Variants in OSBPL6 observed in about 807,000 individuals in gnomAD.
OSBPL6 encodes oxysterol-binding protein-related protein 6.
OSBPL6 carries 49 observed loss-of-function variants against 125.8 expected under a neutral mutation model. That is an observed-to-expected ratio of 0.39 (90% CI 0.31 to 0.49). The LOEUF (loss-of-function observed/expected upper bound fraction) is 0.49, where lower values mean the gene tolerates loss of function less well. Among genes scored for constraint, OSBPL6 ranks in the 20% least tolerant of loss-of-function variants. The probability of loss-of-function intolerance (pLI) is 0.88; values close to 1 mark genes in which losing one functional copy is unlikely to be tolerated. For synonymous variants in OSBPL6, 394 were observed against 391.8 expected, an observed-to-expected ratio of 1.01 and a Z score of -0.07; for missense variants, 986 against 1,135.4, an observed-to-expected ratio of 0.87 and a Z score of 1.89.
In OSBPL6 at chr2:178,298,284, T is replaced by C. The variant is rs74697518; in HGVS notation, c.-155-7746T>C. 6.4e-3 allele frequency among the ~76,000 whole-genome samples: 972 copies of C among 152,332 alleles called. 6 individuals are homozygous for C. The highest frequency in any genetic ancestry group is 0.02 in the African/African-American group (843 of 41,576). On this transcript the variant is annotated intron_variant, in intron 2 of 24. Transcript: ENST00000190611. ...TTTTTAAATATATTCATTCATTCAT[T>C]GATGGACACTTGGGTTGCTTCCGCA...
intron 1 of OSBPL6, among the ~76,000 whole-genome samples, chr2:178,228,266 T>C (rs899187370): frequency 6.6e-6 from 1 of 152,344 alleles, no homozygotes; most frequent in African/African-American, 2.4e-5. Context: ...CCGGGCGCGG[T>C]GGCTCATGCC....
chr2:178,364,409 T>C (rs1420519125), intron 13 of OSBPL6, among the ~76,000 whole-genome samples: 1 of 152,196 alleles, frequency 6.6e-6, no homozygotes, highest in Admixed American at 6.5e-5. Flanking sequence ...CAGATTCTTA[T>C]GGTATTTGAG....
intron 1 of OSBPL6, among the ~76,000 whole-genome samples, chr2:178,222,020 G>A (rs1436713227): frequency 1.3e-5 from 2 of 152,102 alleles, no homozygotes; most frequent in African/African-American, 2.4e-5. Flanking sequence ...TCTATGTTAT[G>A]CATTGGGAAT....
In OSBPL6 at chr2:178,336,324, G is replaced by T; in HGVS notation, c.681G>T (p.Trp227Cys). 6.2e-7 allele frequency: 1 copy of T among 1,613,904 alleles called. No individual in the cohort carries two copies. The highest frequency in any genetic ancestry group is 8.5e-7 in the Non-Finnish European group (1 of 1,179,932). Reference protein sequence around the residue: ...DGKMQPNSFPWQSPLPCSNSL... With the variant: ...DGKMQPNSFPCQSPLPCSNSL... ...AGATGCAACCAAACAGCTTTCCGTG[G>T]CAGTCCCCTTTACCATGCAGCAATA... The change falls in exon 9 of 25, where the codon TGG becomes TGT. Residue 227 changes from tryptophan (W) to cysteine (C), a missense_variant. Trp to Cys is a radical substitution (Grantham distance 215). This residue lies in a region of OSBPL6 where 843 missense variants were observed against 997.3 expected (regional missense o/e 0.85). Coordinates refer to ENST00000190611, the MANE Select transcript of OSBPL6 (RefSeq NM_032523.4).
chr2:178,389,377 A>G (rs1057135880), intron 21 of OSBPL6, among the ~76,000 whole-genome samples: 4 of 151,804 alleles, frequency 2.6e-5, no homozygotes, highest in East Asian at 2.0e-4. Context: ...CAGAAAAAAA[A>G]CACATGTCTT....
chr2:178,223,193 C>A (rs1042639922), intron 1 of OSBPL6, among the ~76,000 whole-genome samples: 1 of 152,210 alleles, frequency 6.6e-6, no homozygotes, highest in African/African-American at 2.4e-5. Flanking sequence ...CTCTGATTCT[C>A]TATCAACCTG....
Position 178,332,945 on chromosome 2 carries a change from T to A in OSBPL6, c.561T>A (p.Ile187=). 1 of 1,614,220 alleles carries A rather than the reference T, an allele frequency of 6.2e-7. No homozygotes were observed. The highest frequency in any genetic ancestry group is 8.5e-7 in the Non-Finnish European group (1 of 1,180,012). The change falls in exon 8 of 25, where the codon ATT becomes ATA. Residue 187 remains isoleucine (I), a synonymous_variant. Transcript: ENST00000190611. ...RHHRLYRQNE[I]VRSPRDASFH... is the part of the protein sequence containing the mutation. ...ATCGGTTGTATCGTCAGAATGAAAT[T>A]GTGAGATCACCAAGAGATGCTAGTT...
intron 22 of OSBPL6, 26 bp from the exon 23 acceptor site, chr2:178,392,386 A>C (rs757996752): frequency 5.0e-6 from 8 of 1,612,692 alleles, no homozygotes; most frequent in Non-Finnish European, 6.8e-6. Flanking sequence ...TCTGCCTCTC[A>C]CAGTGGTTCA....
At chr2:178,218,788 C>T (rs2090206630) in intron 1 of OSBPL6, among the ~76,000 whole-genome samples, 1 of 151,910 alleles carries the variant, frequency 6.6e-6, no homozygotes, top group African/African-American at 2.4e-5. Flanking sequence ...CGTCACCATG[C>T]CCAGCTGATT....
At chr2:178,213,731 C>G (rs1466127491) in intron 1 of OSBPL6, among the ~76,000 whole-genome samples, 1 of 152,214 alleles carries the variant, frequency 6.6e-6, no homozygotes, top group Non-Finnish European at 1.5e-5. Flanking sequence ...GCTGTTTGAA[C>G]TTATATGTTC....
At chr2:178,296,699 G>A (rs1685786548) in intron 2 of OSBPL6, among the ~76,000 whole-genome samples, 2 of 152,120 alleles carry the variant, frequency 1.3e-5, no homozygotes, top group African/African-American at 2.4e-5. Flanking sequence ...GCTAGTGCAA[G>A]CCAGCTCCAG....
intron 3 of OSBPL6, among the ~76,000 whole-genome samples, chr2:178,316,253 G>C (rs145991368): frequency 3.9e-5 from 6 of 152,102 alleles, no homozygotes; most frequent in African/African-American, 1.4e-4. Context: ...TTAGTGATAT[G>C]TATCTAAAGT....
chr2:178,220,316 G>A (rs543606562), intron 1 of OSBPL6, among the ~76,000 whole-genome samples: 37 of 152,152 alleles, frequency 2.4e-4, no homozygotes, highest in African/African-American at 8.9e-4. Context: ...GGAGGCGGGT[G>A]GACAGGGTCT....
intron 1 of OSBPL6, among the ~76,000 whole-genome samples, chr2:178,250,928 C>A (rs1158038924): frequency 6.6e-6 from 1 of 151,370 alleles, no homozygotes. Flanking sequence ...CAACTCTAAG[C>A]CCATGGTAGA....
rs145576118 is a variant in OSBPL6 at position 178,374,104 on chromosome 2, C to T, written c.1533+77C>T. 5.0e-3 allele frequency: 7,451 copies of T among 1,485,632 alleles called. 28 individuals carry two copies. The highest frequency in any genetic ancestry group is 0.014 in the Middle Eastern group (68 of 4,764). 92.0% of individuals were successfully genotyped at this position (1,485,632 alleles called of 1,614,324 possible). A position where few individuals can be genotyped will look rare whatever the true frequency, so the allele number is the denominator to read the frequency against. On this transcript the variant is annotated intron_variant, in intron 15 of 24. Coordinates refer to ENST00000190611, the MANE Select transcript of OSBPL6 (RefSeq NM_032523.4). ...AGTTAAAGAACATAAAACTGTGGAA[C>T]TTTTTGGTGATTACTTTCATTTGTT...
Position 178,391,287 on chromosome 2 carries a change from T to C in OSBPL6, c.2446+70T>C, listed in dbSNP as rs957138356. On this transcript the variant is annotated intron_variant, in intron 22 of 24. Transcript: ENST00000190611. ...CAACAGAAGGGAAGAGAACATCAGG[T>C]CATCTTATGCAACTCACATTATGTT... The C allele has an allele frequency of 1.4e-5, 20 of 1,449,048 alleles. No homozygotes were observed. The African/African-American group carries it at 2.4e-4, about 18-fold the overall frequency. 89.8% of individuals were successfully genotyped at this position (1,449,048 alleles called of 1,614,324 possible). A position where few individuals can be genotyped will look rare whatever the true frequency, so the allele number is the denominator to read the frequency against.
rs1454783818 is a variant in OSBPL6, at chr2:178,399,139, T to C, written c.*3580T>C. 1 of 152,238 alleles carries C rather than the reference T, an allele frequency of 6.6e-6. No individual in the cohort carries two copies. Among genetic ancestry groups the C allele is most frequent in the African/African-American group, 2.4e-5 (1 of 41,456 alleles). 9.4% of individuals were successfully genotyped at this position (152,238 alleles called of 1,614,324 possible). ...TAGTTTATTTCTATGGGAGCCATTA[T>C]GTTCAGGATATATAAAATGTATCTA... On this transcript the variant is annotated 3_prime_UTR_variant, in exon 25 of 25. Coordinates refer to ENST00000190611, the MANE Select transcript of OSBPL6 (RefSeq NM_032523.4).
At chr2:178,333,169 C>G in intron 8 of OSBPL6, 128 bp downstream of exon 8, 1 of 973,058 alleles carries the variant, frequency 1.0e-6, no homozygotes, top group Non-Finnish European at 1.5e-6. Flanking sequence ...GATCGCCTGA[C>G]AGCCAGGAGT....
rs67156772 is a variant in OSBPL6 at position 178,312,157 on chromosome 2, ATTTT to A, written c.102+5889_102+5892del. 0.019 allele frequency among the ~76,000 whole-genome samples: 1,971 copies of A among 101,206 alleles called. 92 individuals are homozygous for A. In the East Asian group the frequency reaches 0.21, roughly 11 times the overall value. The allele number at this position is 101,206 out of a possible 152,430, so 66.4% of individuals were successfully genotyped here. On this transcript the variant is annotated intron_variant, in intron 3 of 24. Coordinates refer to ENST00000190611, the MANE Select transcript of OSBPL6 (RefSeq NM_032523.4). ...CCACCACGCCCAGCTGATTTTTGTA[ATTTT>A]TTTTTTTTTTTTTTTTTGAGATGGA...
Sources: gnomAD v4.1 joint callset for allele counts (sites outside exome capture counted in the v4.1 genomes callset) on GRCh38, gnomAD v4.1.1 for gene constraint, gnomAD v4.1.1 regional missense constraint, MANE v1.5 for transcripts, NCBI Gene and HGNC (gene_info 2026-07-23, HGNC 2026-07-21) for gene names.